Variants in KIF1A observed in about 807,000 individuals in gnomAD.
KIF1A encodes the protein kinesin family member 1A.
A neutral mutation model predicts 227.3 loss-of-function variants in KIF1A; 46 were observed. That is an observed-to-expected ratio of 0.20 (90% CI 0.16 to 0.26). KIF1A has a LOEUF of 0.26. Among genes scored for constraint, KIF1A ranks in the 10% least tolerant of loss-of-function variants. The pLI is 1.00. For synonymous variants in KIF1A, 1,022 were observed against 1,012.8 expected (o/e 1.01, Z -0.17); for missense variants, 1,683 against 2,485.9 (o/e 0.68, Z 6.87).
chr2:240,746,148 C>A lies in KIF1A; in HGVS notation c.3093G>T (p.Gly1031=). 1 of 1,567,568 alleles carries A rather than the reference C, an allele frequency of 6.4e-7. No homozygotes were observed. The highest frequency in any genetic ancestry group is 2.4e-5 in the East Asian group (1 of 42,128). ...KFQSESCPVV[G]MSRSGTSQEE... ...CCTGGGAGGTTCCCGAGCGGGACAT[C>A]CCCACCACGGGGCAAGACTCGGACT... The change falls in exon 30 of 49, where the codon GGG becomes GGT. Residue 1031 remains glycine, a synonymous_variant. Transcript: ENST00000498729.
At chr2:240,781,432 CACACACA>C in intron 10 of KIF1A, among the ~76,000 whole-genome samples, 1 of 26,114 alleles carries the variant, frequency 3.8e-5, no homozygotes, top group Non-Finnish European at 6.5e-5. Context: ...CACACAGCTC[CACACACA>C]CACACACACA....
In KIF1A at chr2:240,758,095, G is replaced by C. The variant is rs1463452228; in HGVS notation, c.2582+265C>G. On this transcript the variant is annotated intron_variant, in intron 26 of 48. Coordinates refer to ENST00000498729, the MANE Select transcript of KIF1A (RefSeq NM_001244008.2). This position sits in a 1 kb window ranked among gnomAD's most constrained non-coding sequence, Gnocchi z 5.2. ...ACATATTCATACACATGGACCCATG[G>C]GTTCTGGCGGCTACAGCCCTGCAGT... Among the ~76,000 whole-genome samples, 1 of 152,220 alleles carries C rather than the reference G, an allele frequency of 6.6e-6. No individual in the cohort carries two copies. The highest frequency in any genetic ancestry group is 1.5e-5 in the Non-Finnish European group (1 of 68,032).
chr2:240,816,470 G>A (rs1454851136), intron 1 of KIF1A, among the ~76,000 whole-genome samples: 1 of 152,088 alleles, frequency 6.6e-6, no homozygotes, highest in Non-Finnish European at 1.5e-5. Flanking sequence ...GTGGGGAGGG[G>A]TGAGGAATAA....
chr2:240,753,934 G>A (rs889142244), intron 27 of KIF1A, among the ~76,000 whole-genome samples: 4 of 152,150 alleles, frequency 2.6e-5, no homozygotes, highest in East Asian at 1.9e-4. Flanking sequence ...CCTACTTCTA[G>A]GGCCAGGGTT....
At position 240,761,224 on chromosome 2, in the gene KIF1A, C is replaced by T. The variant is rs2050490864; in HGVS notation, c.2265+5G>A. The T allele has an allele frequency of 6.2e-7, 1 of 1,610,364 alleles. No homozygotes were observed. Among genetic ancestry groups the T allele is most frequent in the East Asian group, 2.2e-5 (1 of 44,824 alleles). ...AGGAAACGGTACAGCCAGTGGGCAG[C>T]CCACCTTCTTTTTCAGCTCCACGCT... On this transcript the variant is annotated splice_donor_5th_base_variant and intron_variant, in intron 24 of 48. Transcript: ENST00000498729.
Position 240,795,035 on chromosome 2 carries a change from C to T in KIF1A, c.106+2612G>A, listed in dbSNP as rs74002934. The stretch of plus-strand genomic sequence containing the variant: ...CCTTGGTTTCAGAACTTTGCTGTAA[C>T]CCCACAGACATTTAATTTAGTTTGG... On this transcript the variant is annotated intron_variant, in intron 2 of 48. Transcript: ENST00000498729. Among the ~76,000 whole-genome samples, 1,476 of 152,308 alleles carry T rather than the reference C, an allele frequency of 9.7e-3. 30 individuals carry two copies. Among genetic ancestry groups the T allele is most frequent in the African/African-American group, 0.034 (1,413 of 41,552 alleles).
At chr2:240,761,142 G>C (rs2050475388) in intron 24 of KIF1A, 87 bp downstream of exon 24, 1 of 1,456,934 alleles carries the variant, frequency 6.9e-7, no homozygotes, top group Admixed American at 1.9e-5. Flanking sequence ...AGAGAGCCAA[G>C]TGCTGAGTCC....
At chr2:240,733,411 G>A (rs1161272044) in intron 38 of KIF1A, among the ~76,000 whole-genome samples, 7 of 152,120 alleles carry the variant, frequency 4.6e-5, no homozygotes, top group African/African-American at 1.7e-4. Flanking sequence ...CTGCAGGGCC[G>A]TGCTCCCTCC....
At chr2:240,768,682 C>G (rs777736466) in intron 17 of KIF1A, among the ~76,000 whole-genome samples, 2 of 152,188 alleles carry the variant, frequency 1.3e-5, no homozygotes, top group Non-Finnish European at 2.9e-5. Flanking sequence ...CTGAAAGACC[C>G]CTTAGGCCTG....
At chr2:240,780,798 CCACACACA>C (rs534367981) in intron 10 of KIF1A, among the ~76,000 whole-genome samples, 28 of 34,908 alleles carry the variant, frequency 8.0e-4, no homozygotes, top group African/African-American at 2.1e-3. Context: ...ACACACAGCT[CCACACACA>C]CACACACACA....
In KIF1A at chr2:240,757,185, G is replaced by A; in HGVS notation, c.2858+134C>T. 1 of 884,888 alleles carries A rather than the reference G, an allele frequency of 1.1e-6. No individual in the cohort carries two copies. The highest frequency in any genetic ancestry group is 2.7e-5 in the East Asian group (1 of 37,514). 54.8% of individuals were successfully genotyped at this position (884,888 alleles called of 1,614,324 possible). On this transcript the variant is annotated intron_variant, in intron 27 of 48. Transcript: ENST00000498729. This position sits in a 1 kb window ranked among gnomAD's most constrained non-coding sequence, Gnocchi z 6.2. ...GGCCCTCGGGTGCTCTCCTCAGGAGGCCAGCCCCTCCACCTGCCTCGCCTG... is the reference window on the plus strand; with the variant it reads ...GGCCCTCGGGTGCTCTCCTCAGGAGACCAGCCCCTCCACCTGCCTCGCCTG...
In KIF1A at chr2:240,797,662, A is replaced by C. The variant is rs1407388185; in HGVS notation, c.91T>G (p.Ser31Ala). ...TGATACTCACTGGTGGTGCTTCCAG[A>C]CATCTGAATGATGCACTTGGAGTCA... ...SRDSKCIIQM[S>A]GSTTTIVNPK... The change falls in exon 2 of 49, where the codon TCT becomes GCT. Residue 31 changes from serine (S) to alanine (A), a missense_variant. Coordinates refer to ENST00000498729, the MANE Select transcript of KIF1A (RefSeq NM_001244008.2). 1 of 1,611,354 alleles carries C rather than the reference A, an allele frequency of 6.2e-7. No homozygotes were observed. Among genetic ancestry groups the C allele is most frequent in the East Asian group, 2.2e-5 (1 of 44,884 alleles).
chr2:240,723,543 C>T lies in KIF1A; in HGVS notation c.4334G>A (p.Arg1445His), dbSNP rs765877669. Residue 1445 changes from arginine to histidine, a missense_variant, in exon 42 of 49, where the codon CGC becomes CAC. Coordinates refer to ENST00000498729, the MANE Select transcript of KIF1A (RefSeq NM_001244008.2). ...CACAGATGTGTCCAGGACTCGTCGG[C>T]GCCGGCGCTGCATCCCTGCATGGGG... ...DAGSPGMQRRRRRVLDTSVAY... is the reference protein window; with the variant it reads ...DAGSPGMQRRHRRVLDTSVAY... The T allele has an allele frequency of 2.1e-5, 33 of 1,538,002 alleles. No homozygotes were observed. Among genetic ancestry groups the T allele is most frequent in the Admixed American group, 3.9e-5 (2 of 51,330 alleles).
intron 24 of KIF1A, 86 bp from the exon 25 acceptor site, chr2:240,760,929 A>G (rs1468753941): frequency 3.8e-6 from 5 of 1,302,076 alleles, no homozygotes; most frequent in Non-Finnish European, 5.3e-6. Context: ...CACCTTCTGG[A>G]GATTTCAGCT....
At chr2:240,745,402 TG>T in intron 32 of KIF1A, 24 bp downstream of exon 32, 1 of 1,554,282 alleles carries the variant, frequency 6.4e-7, no homozygotes, top group Non-Finnish European at 8.9e-7. Context: ...GTGGCAGGGA[TG>T]GGGAGAAGTG....
At position 240,725,193 on chromosome 2, in the gene KIF1A, G is replaced by T; in HGVS notation, c.4256+78C>A. ...TGAGCTGCCGGGTGGCCCAAGGACC[G>T]CTGCCAGGCAGAGCCCTGCCTGGCC... On this transcript the variant is annotated intron_variant, in intron 40 of 48. Transcript: ENST00000498729. This position sits in a 1 kb window ranked among gnomAD's most constrained non-coding sequence, Gnocchi z 5.8. 1 of 1,485,308 alleles carries T rather than the reference G, an allele frequency of 6.7e-7. No individual in the cohort carries two copies. 92.0% of individuals were successfully genotyped at this position (1,485,308 alleles called of 1,614,324 possible).
At position 240,720,364 on chromosome 2, in the gene KIF1A, C is replaced by T. The variant is rs74915234; in HGVS notation, c.4869-438G>A. The T allele has an allele frequency of 5.1e-3, 824 of 162,046 alleles. 7 individuals are homozygous for T. Among genetic ancestry groups the T allele is most frequent in the Non-Finnish European group, 8.0e-3 (597 of 74,538 alleles). The allele number at this position is 162,046 out of a possible 1,614,324, so 10.0% of individuals were successfully genotyped here. A position where few individuals can be genotyped will look rare whatever the true frequency, so the allele number is the denominator to read the frequency against. On this transcript the variant is annotated intron_variant, in intron 45 of 48. Transcript: ENST00000498729. ...CCCCCCACATGGGCCAGGCCCCACGCGACTCGACCTGGTGGTCAAGGAGGC... is the reference window on the plus strand; with the variant it reads ...CCCCCCACATGGGCCAGGCCCCACGTGACTCGACCTGGTGGTCAAGGAGGC...
intron 1 of KIF1A, among the ~76,000 whole-genome samples, chr2:240,804,970 C>T (rs1381344845): frequency 6.7e-6 from 1 of 149,208 alleles, no homozygotes; most frequent in Non-Finnish European, 1.5e-5. Context: ...AAGCAATTCA[C>T]CATAAGCAAG....
In KIF1A at chr2:240,728,373, G is replaced by C. The variant is rs533392507; in HGVS notation, c.4008-1433C>G. ...GGACAGACCAAGCAAGGGCGGAAGA[G>C]AAAAGTGAGCTGTACCTAGTGTCAT... is the stretch of plus-strand genomic sequence containing the variant. On this transcript the variant is annotated intron_variant, in intron 38 of 48. Transcript: ENST00000498729. 3.2e-5 allele frequency: 41 copies of C among 1,298,702 alleles called. No homozygotes were observed. In the South Asian group the frequency reaches 4.7e-4, roughly 15 times the overall value. The allele number at this position is 1,298,702 out of a possible 1,614,324, so 80.4% of individuals were successfully genotyped here.
Sources: gnomAD v4.1 joint callset for allele counts (sites outside exome capture counted in the v4.1 genomes callset) on GRCh38, gnomAD v4.1.1 for gene constraint, Gnocchi (gnomAD v3.1) non-coding constraint, MANE v1.5 for transcripts, NCBI Gene and HGNC (gene_info 2026-07-23, HGNC 2026-07-21) for gene names.